The following FAT4 variants were observed in gnomAD, a reference collection of about 807,000 sequenced individuals.
FAT4 encodes the protein protocadherin Fat 4.
A neutral mutation model predicts 303.9 loss-of-function variants in FAT4; 84 were observed. The ratio of observed to expected loss-of-function variants is 0.28; its 90% CI spans 0.23 to 0.33. FAT4 has a LOEUF of 0.33. Ranked by LOEUF, FAT4 falls within the 10% of genes least tolerant of loss-of-function variation. FAT4 has a pLI of 1.00. For missense variants in FAT4, 6,005 were observed against 6,146.8 expected, an observed-to-expected ratio of 0.98 and a Z score of 0.77; for synonymous variants, 2,307 against 2,298.8, an observed-to-expected ratio of 1.00 and a Z score of -0.10.
At position 125,450,153 on chromosome 4, in the gene FAT4, C is replaced by T; in HGVS notation, c.9143C>T (p.Ser3048Phe). The change falls in exon 10 of 18, where the codon TCC becomes TTC. Residue 3048 changes from serine to phenylalanine, a missense_variant. By Grantham distance (155) the Ser-to-Phe change is radical. Transcript: ENST00000394329. ...NDTGWISVASSLISDLNQNFF... is the reference protein window; with the variant it reads ...NDTGWISVASFLISDLNQNFF... ...ACGGGGTGGATTTCAGTAGCATCCTCCCTGATTTCTGACTTGAACCAAAAC... is the reference window on the plus strand; with the variant it reads ...ACGGGGTGGATTTCAGTAGCATCCTTCCTGATTTCTGACTTGAACCAAAAC... 1 of 1,613,748 alleles carries T rather than the reference C, an allele frequency of 6.2e-7. No individual in the cohort carries two copies. The highest frequency in any genetic ancestry group is 8.5e-7 in the Non-Finnish European group (1 of 1,179,980).
intron 5 of FAT4, among the ~76,000 whole-genome samples, chr4:125,410,529 A>G (rs1039238268): frequency 3.9e-5 from 6 of 152,156 alleles, no homozygotes; most frequent in Non-Finnish European, 8.8e-5. Flanking sequence ...AAAGCTAATC[A>G]TGTATTCTTA....
chr4:125,359,004 G>A (rs1282377364), intron 2 of FAT4, among the ~76,000 whole-genome samples: 7 of 152,162 alleles, frequency 4.6e-5, no homozygotes, highest in Non-Finnish European at 1.0e-4. Flanking sequence ...ATTTAATTGT[G>A]CATGAGTAAT....
chr4:125,405,931 T>C (rs1465300714), intron 3 of FAT4, among the ~76,000 whole-genome samples: 1 of 152,208 alleles, frequency 6.6e-6, no homozygotes, highest in Non-Finnish European at 1.5e-5. Context: ...GAAAATTAAC[T>C]TTCTATCAGA....
At position 125,450,332 on chromosome 4, in the gene FAT4, T is replaced by A; in HGVS notation, c.9322T>A (p.Ser3108Thr). Residue 3108 changes from serine (S) to threonine (T), a missense_variant, in exon 10 of 18, where the codon TCC (serine) becomes ACC (threonine). Transcript: ENST00000394329. ...ATIPESHSIG[S>T]IVRTVSARDR... is the part of the protein sequence containing the mutation. ...CATCCCTGAGAGCCATAGCATTGGG[T>A]CCATTGTCAGAACTGTTTCTGCAAG... is the stretch of plus-strand genomic sequence containing the variant. The A allele has an allele frequency of 6.2e-7, 1 of 1,614,080 alleles. No homozygotes were observed. The highest frequency in any genetic ancestry group is 8.5e-7 in the Non-Finnish European group (1 of 1,179,978).
At chr4:125,435,700 G>T (rs1725426708) in intron 8 of FAT4, among the ~76,000 whole-genome samples, 1 of 152,150 alleles carries the variant, frequency 6.6e-6, no homozygotes, top group South Asian at 2.1e-4. Flanking sequence ...TGAGAAAGGA[G>T]TCAGAGAGGT....
chr4:125,348,451 C>T (rs549907592), intron 2 of FAT4, among the ~76,000 whole-genome samples: 1 of 151,658 alleles, frequency 6.6e-6, no homozygotes, highest in South Asian at 2.1e-4. Context: ...GTATCCCCAG[C>T]GCTGATCCTG....
chr4:125,450,505 G>A lies in FAT4; in HGVS notation c.9495G>A (p.Thr3165=), dbSNP rs866835305. The change falls in exon 10 of 18, where the codon ACG becomes ACA. Residue 3165 remains threonine, a synonymous_variant. Transcript: ENST00000394329. ...DYELCQKHEM[T]ISAIDGGWVA... is the part of the protein sequence containing the mutation. ...AGCTATGCCAGAAACACGAAATGAC[G>A]ATTAGTGCTATAGATGGAGGATGGG... is the stretch of plus-strand genomic sequence containing the variant. 1.1e-5 allele frequency: 17 copies of A among 1,614,006 alleles called. No individual in the cohort carries two copies. The highest frequency in any genetic ancestry group is 2.7e-5 in the African/African-American group (2 of 74,926).
intron 11 of FAT4, 59 bp from the exon 12 acceptor site, chr4:125,468,453 A>C: frequency 8.3e-7 from 1 of 1,203,942 alleles, no homozygotes. Context: ...TTTTAATCAA[A>C]ATATATAATA....
chr4:125,354,883 A>G (rs1191612173), intron 2 of FAT4, among the ~76,000 whole-genome samples: 1 of 151,754 alleles, frequency 6.6e-6, no homozygotes, highest in East Asian at 1.9e-4. Context: ...CAGTACTCCT[A>G]GTATGGTTTC....
At chr4:125,378,528 A>G (rs1733420621) in intron 2 of FAT4, among the ~76,000 whole-genome samples, 1 of 152,122 alleles carries the variant, frequency 6.6e-6, no homozygotes, top group African/African-American at 2.4e-5. Flanking sequence ...ATCACAGATA[A>G]TCATAAAACT....
chr4:125,420,528 A>G (rs1390656499), intron 7 of FAT4, among the ~76,000 whole-genome samples: 1 of 152,224 alleles, frequency 6.6e-6, no homozygotes, highest in East Asian at 1.9e-4. Flanking sequence ...AACTTCCAAA[A>G]GAAAAAAGTG....
intron 2 of FAT4, among the ~76,000 whole-genome samples, chr4:125,339,879 A>G (rs1216094065): frequency 6.6e-6 from 1 of 152,138 alleles, no homozygotes; most frequent in East Asian, 1.9e-4. Flanking sequence ...TAAAAAAATA[A>G]TATTTTATTG....
Position 125,492,191 on chromosome 4 carries a change from T to C in FAT4, c.*423T>C, listed in dbSNP as rs1727676858. ...ATTCTTGATGTTAAACCAATCCTTG[T>C]AAAGTGTAAAAAGGAACCCTCCTAT... On this transcript the variant is annotated 3_prime_UTR_variant, in exon 18 of 18. Coordinates refer to ENST00000394329, the MANE Select transcript of FAT4 (RefSeq NM_001291303.3). 1 of 162,436 alleles carries C rather than the reference T, an allele frequency of 6.2e-6. No homozygotes were observed. The highest frequency in any genetic ancestry group is 1.6e-4 in the South Asian group (1 of 6,102). 10.1% of individuals were successfully genotyped at this position (162,436 alleles called of 1,614,324 possible). A position where few individuals can be genotyped will look rare whatever the true frequency, so the allele number is the denominator to read the frequency against.
At chr4:125,411,401 T>A (rs1446986850) in intron 5 of FAT4, among the ~76,000 whole-genome samples, 1 of 151,948 alleles carries the variant, frequency 6.6e-6, no homozygotes, top group East Asian at 1.9e-4. Context: ...TATAAATTAT[T>A]TACACTTTAA....
At chr4:125,388,238 T>C (rs1162853813) in intron 2 of FAT4, among the ~76,000 whole-genome samples, 1 of 152,194 alleles carries the variant, frequency 6.6e-6, no homozygotes, top group African/African-American at 2.4e-5. Flanking sequence ...ATCTCACCTT[T>C]AGTGGGAGGG....
chr4:125,452,908 T>A (rs1333148774), intron 10 of FAT4, 98 bp downstream of exon 10: 2 of 1,382,672 alleles, frequency 1.4e-6, no homozygotes, highest in African/African-American at 1.5e-5. Context: ...TTCATATAAA[T>A]GAGCATAATA....
At chr4:125,469,155 A>G (rs1726776428) in intron 12 of FAT4, among the ~76,000 whole-genome samples, 1 of 152,208 alleles carries the variant, frequency 6.6e-6, no homozygotes. Context: ...TGAAGAAACA[A>G]TTTAGGAACA....
rs765151671 is a variant in FAT4 at position 125,450,093 on chromosome 4, A to G, written c.9083A>G (p.Asp3028Gly). 9.0e-5 allele frequency: 145 copies of G among 1,613,726 alleles called. 1 individual carries two copies. In the Admixed American group the frequency reaches 2.1e-3, roughly 23 times the overall value. The part of the protein sequence containing the change: ...NSEVEYFISN[D>G]NHLGKFKLDN... ...GAAGTGGAGTATTTCATTTCTAATG[A>G]TAACCATTTAGGAAAATTTAAGTTG... The change falls in exon 10 of 18, where the codon GAT becomes GGT. Residue 3028 changes from aspartate to glycine, a missense_variant. Asp to Gly is a moderately conservative substitution (Grantham distance 94). Transcript: ENST00000394329.
At position 125,319,426 on chromosome 4, in the gene FAT4, T is replaced by C. The variant is rs1730824400; in HGVS notation, c.3015T>C (p.Leu1005=). The C allele has an allele frequency of 6.2e-7, 1 of 1,613,858 alleles. No individual in the cohort carries two copies. The highest frequency in any genetic ancestry group is 1.1e-5 in the South Asian group (1 of 91,082). The change falls in exon 2 of 18, where the codon CTT becomes CTC. Residue 1005 remains leucine, a synonymous_variant. Coordinates refer to ENST00000394329, the MANE Select transcript of FAT4 (RefSeq NM_001291303.3). ...VFDQLSYEVT[L]SESEPVNSRF... is the part of the protein sequence containing the mutation. ...ACCAACTCTCTTATGAAGTCACCCTTTCTGAGTCAGAACCTGTGAATTCTC... is the reference window on the plus strand; with the variant it reads ...ACCAACTCTCTTATGAAGTCACCCTCTCTGAGTCAGAACCTGTGAATTCTC...
Sources: gnomAD v4.1 joint callset for allele counts (sites outside exome capture counted in the v4.1 genomes callset) on GRCh38, gnomAD v4.1.1 for gene constraint, MANE v1.5 for transcripts, NCBI Gene and HGNC (gene_info 2026-07-23, HGNC 2026-07-21) for gene names.